Variants in G6PC1 observed in about 807,000 individuals in gnomAD.
G6PC1 encodes glucose-6-phosphatase catalytic subunit 1.
Under a neutral mutation model 30.4 loss-of-function variants are expected in G6PC1, and 23 were observed. That is an observed-to-expected ratio of 0.76 (90% CI 0.55 to 1.07). G6PC1 has a LOEUF of 1.07. Among genes scored for constraint, G6PC1 ranks in the 50% least tolerant of loss-of-function variants. G6PC1 has a pLI of 0.00. For missense variants in G6PC1, 391 were observed against 433.9 expected, an observed-to-expected ratio of 0.90 and a Z score of 0.88; for synonymous variants, 163 against 175.6, an observed-to-expected ratio of 0.93 and a Z score of 0.57.
chr17:42,910,953 A>G lies in G6PC1; in HGVS notation c.601A>G (p.Ile201Val). ...VAETFSHIHS[I>V]YNASLKKYFL... ...AGAAACTTTCAGCCACATCCACAGC[A>G]TCTATAATGCCAGCCTCAAGAAATA... Residue 201 changes from isoleucine (I) to valine (V), a missense_variant, in exon 5 of 5, where the codon ATC becomes GTC. Physicochemically the swap from Ile to Val is conservative, Grantham distance 29. Transcript: ENST00000253801. 1 of 1,614,216 alleles carries G rather than the reference A, an allele frequency of 6.2e-7. No homozygotes were observed. Among genetic ancestry groups the G allele is most frequent in the Non-Finnish European group, 8.5e-7 (1 of 1,180,044 alleles).
rs1567706458 is a variant in G6PC1 at position 42,911,196 on chromosome 17, G to A, written c.844G>A (p.Glu282Lys). The change falls in exon 5 of 5, where the codon GAG becomes AAG. Residue 282 changes from glutamate to lysine, a missense_variant. Glu to Lys is a moderately conservative substitution (Grantham distance 56, BLOSUM62 1). Coordinates refer to ENST00000253801, the MANE Select transcript of G6PC1 (RefSeq NM_000151.4). ...GGCTCTCAACTCCAGCATGTACAGG[G>A]AGAGCTGCAAGGGGAAACTCAGCAA... ...GLALNSSMYRESCKGKLSKWL... is the reference protein window; with the variant it reads ...GLALNSSMYRKSCKGKLSKWL... The A allele has an allele frequency of 1.2e-6, 2 of 1,614,156 alleles. No homozygotes were observed. Among genetic ancestry groups the A allele is most frequent in the East Asian group, 2.2e-5 (1 of 44,876 alleles).
Position 42,911,578 on chromosome 17 carries a change from G to C in G6PC1, c.*152G>C. The C allele has an allele frequency of 8.5e-7, 1 of 1,178,724 alleles. No individual in the cohort carries two copies. The highest frequency in any genetic ancestry group is 1.5e-5 in the African/African-American group (1 of 66,676). 73.0% of individuals were successfully genotyped at this position (1,178,724 alleles called of 1,614,324 possible). On this transcript the variant is annotated 3_prime_UTR_variant, in exon 5 of 5. Transcript: ENST00000253801. ...TAAATCACGGATGGCAGATTGGAGG[G>C]TCGCCTGGCTTATTCCCATGTGTGA...
intron 2 of G6PC1, among the ~76,000 whole-genome samples, chr17:42,905,145 G>C (rs1306406463): frequency 6.6e-6 from 1 of 150,450 alleles, no homozygotes; most frequent in Non-Finnish European, 1.5e-5. Flanking sequence ...TGTAGGATAG[G>C]CCAGGCACGG....
At position 42,913,600 on chromosome 17, in the gene G6PC1, T is replaced by A. The variant is rs1379258393; in HGVS notation, c.*2174T>A. On this transcript the variant is annotated 3_prime_UTR_variant, in exon 5 of 5. Transcript: ENST00000253801. ...GCATAGAACCAGAAAGATTCAGAGT[T>A]GGCCAAGAATGAACATTGGCTACCA... is the stretch of plus-strand genomic sequence containing the variant. Among the ~76,000 whole-genome samples the A allele has an allele frequency of 6.6e-6, 1 of 152,214 alleles. No homozygotes were observed. The highest frequency in any genetic ancestry group is 2.4e-5 in the African/African-American group (1 of 41,454).
intron 2 of G6PC1, 77 bp from the exon 3 acceptor site, chr17:42,907,438 ATGGCTGGG>A: frequency 1.2e-6 from 1 of 854,226 alleles, no homozygotes; most frequent in Non-Finnish European, 2.0e-6. Context: ...GGATAGGGGG[ATGGCTGGG>A]TGGCTGGGTA....
chr17:42,901,164 A>G (rs1347776333), intron 1 of G6PC1, 58 bp downstream of exon 1: 2 of 1,436,026 alleles, frequency 1.4e-6, no homozygotes, highest in South Asian at 2.3e-5. Flanking sequence ...CGCTCTCGCA[A>G]TGTCTGTCCA....
At position 42,909,291 on chromosome 17, in the gene G6PC1, C is replaced by G; in HGVS notation, c.447-12C>G. 6.3e-7 allele frequency: 1 copy of G among 1,592,988 alleles called. No individual in the cohort carries two copies. Among genetic ancestry groups the G allele is most frequent in the Non-Finnish European group, 8.6e-7 (1 of 1,160,754 alleles). ...CACCTGTGTTCTGTTATGGTTGCCT[C>G]TTCTGTTGCAGGTGCTTGAATGTCA... On this transcript the variant is annotated splice_polypyrimidine_tract_variant and intron_variant, in intron 3 of 4. Transcript: ENST00000253801.
intron 4 of G6PC1, among the ~76,000 whole-genome samples, chr17:42,910,025 G>A (rs1332267326): frequency 1.3e-5 from 2 of 151,874 alleles, no homozygotes; most frequent in Admixed American, 6.6e-5. Flanking sequence ...CACCATGCCC[G>A]GCTAATTTTT....
At chr17:42,905,403 G>A (rs1397868379) in intron 2 of G6PC1, among the ~76,000 whole-genome samples, 1 of 113,128 alleles carries the variant, frequency 8.8e-6, no homozygotes, top group Non-Finnish European at 1.7e-5. Flanking sequence ...GCGACAAAAT[G>A]AGACACCATC....
chr17:42,911,649 A>G lies in G6PC1; in HGVS notation c.*223A>G. On this transcript the variant is annotated 3_prime_UTR_variant, in exon 5 of 5. Transcript: ENST00000253801. ...AGACTCTTTCAGATGGAGGTGCCAT[A>G]TCACGTACACCATATGCAAGTTTCC... is the stretch of plus-strand genomic sequence containing the variant. 1.6e-6 allele frequency: 1 copy of G among 623,372 alleles called. No individual in the cohort carries two copies. The highest frequency in any genetic ancestry group is 2.8e-6 in the Non-Finnish European group (1 of 355,920). 38.6% of individuals were successfully genotyped at this position (623,372 alleles called of 1,614,324 possible).
intron 4 of G6PC1, among the ~76,000 whole-genome samples, chr17:42,910,563 A>G (rs1597991463): frequency 6.6e-6 from 1 of 152,188 alleles, no homozygotes; most frequent in African/African-American, 2.4e-5. Flanking sequence ...CACACAGACA[A>G]GGAAGAACTA....
At chr17:42,902,294 C>A (rs1406630105) in intron 1 of G6PC1, among the ~76,000 whole-genome samples, 1 of 152,190 alleles carries the variant, frequency 6.6e-6, no homozygotes, top group Non-Finnish European at 1.5e-5. Context: ...TGTTGCCTGG[C>A]TGGAGTGCAA....
chr17:42,908,320 C>T lies in G6PC1; in HGVS notation c.446+692C>T, dbSNP rs57690248. On this transcript the variant is annotated intron_variant, in intron 3 of 4. Coordinates refer to ENST00000253801, the MANE Select transcript of G6PC1 (RefSeq NM_000151.4). ...TTGGGATTACAGGCATGAGCCACCG[C>T]GCCAGCCATGCAAATCCTTAATTAT... is the stretch of plus-strand genomic sequence containing the variant. Among the ~76,000 whole-genome samples, 710 of 152,134 alleles carry T rather than the reference C, an allele frequency of 4.7e-3. 4 individuals carry two copies. The highest frequency in any genetic ancestry group is 0.016 in the African/African-American group (675 of 41,522).
Position 42,906,103 on chromosome 17 carries a change from AGGAAGAAGAAG to A in G6PC1, c.341-1416_341-1406del, listed in dbSNP as rs1469601533. On this transcript the variant is annotated intron_variant, in intron 2 of 4. Transcript: ENST00000253801. ...AAGGTATATAATTGTTAGTGTTAGA[AGGAAGAAGAAG>A]GGAGGGAGGAAGGAAGGGAGAAAGA... Among the ~76,000 whole-genome samples, 23 of 151,874 alleles carry A rather than the reference AGGAAGAAGAAG, an allele frequency of 1.5e-4. No homozygotes were observed. The South Asian group carries it at 4.8e-3, about 32-fold the overall frequency.
intron 2 of G6PC1, among the ~76,000 whole-genome samples, chr17:42,905,119 A>C (rs891898632): frequency 2.0e-5 from 3 of 151,468 alleles, no homozygotes; most frequent in Non-Finnish European, 2.9e-5. Context: ...CTCAAAAAAA[A>C]AGTAAACTAT....
chr17:42,913,281 A>G lies in G6PC1; in HGVS notation c.*1855A>G, dbSNP rs2056107768. 1 of 152,250 alleles carries G rather than the reference A, an allele frequency of 6.6e-6. No individual in the cohort carries two copies. The highest frequency in any genetic ancestry group is 2.4e-5 in the African/African-American group (1 of 41,464). The allele number at this position is 152,250 out of a possible 1,614,324, so 9.4% of individuals were successfully genotyped here. ...CCTGCTCATAACATCTTTGAAAAGA[A>G]AAATATATATGTGCAGTATTTTATT... On this transcript the variant is annotated 3_prime_UTR_variant, in exon 5 of 5. Transcript: ENST00000253801.
rs151150864 is a variant in G6PC1, at chr17:42,902,308, T to A, written c.230+1202T>A. The stretch of plus-strand genomic sequence containing the variant: ...CTGTTGCCTGGCTGGAGTGCAATGG[T>A]GCAATCTCAGCTCACTGCAACCTCT... On this transcript the variant is annotated intron_variant, in intron 1 of 4. Transcript: ENST00000253801. 1.5e-3 allele frequency among the ~76,000 whole-genome samples: 235 copies of A among 152,168 alleles called. 1 individual carries two copies. The East Asian group carries it at 0.032, about 20-fold the overall frequency.
Position 42,908,766 on chromosome 17 carries a change from C to T in G6PC1, c.447-537C>T, listed in dbSNP as rs555578673. 1.2e-4 allele frequency among the ~76,000 whole-genome samples: 18 copies of T among 147,380 alleles called. No individual in the cohort carries two copies. In the South Asian group the frequency reaches 1.9e-3, roughly 16 times the overall value. ...TTGCCCAGGCTAGAGTGCAGTGGCG[C>T]AGTCTCGGCTCACTGTAACCTCCAC... is the stretch of plus-strand genomic sequence containing the variant. On this transcript the variant is annotated intron_variant, in intron 3 of 4. Transcript: ENST00000253801.
rs1327374603 is a variant in G6PC1 at position 42,913,641 on chromosome 17, T to G, written c.*2215T>G. 6.6e-6 allele frequency among the ~76,000 whole-genome samples: 1 copy of G among 152,196 alleles called. No individual in the cohort carries two copies. Among genetic ancestry groups the G allele is most frequent in the African/African-American group, 2.4e-5 (1 of 41,452 alleles). The stretch of plus-strand genomic sequence containing the variant: ...TTGGCTACCAGACCACAAGTCAGCA[T>G]GAGTTGCTCTATGGCATCAAATTGC... On this transcript the variant is annotated 3_prime_UTR_variant, in exon 5 of 5. Coordinates refer to ENST00000253801, the MANE Select transcript of G6PC1 (RefSeq NM_000151.4).
Sources: allele counts gnomAD v4.1 joint callset (sites outside exome capture counted in the v4.1 genomes callset), GRCh38; gene constraint gnomAD v4.1.1; transcripts MANE v1.5; gene names NCBI Gene and HGNC (gene_info 2026-07-23, HGNC 2026-07-21).